KIAA1217: variants seen among roughly 807,000 people sequenced by gnomAD.
KIAA1217 encodes the protein sickle tail protein homolog.
KIAA1217 carries 88 observed loss-of-function variants against 163.9 expected under a neutral mutation model. The ratio of observed to expected loss-of-function variants is 0.54; its 90% CI spans 0.45 to 0.64. The LOEUF (loss-of-function observed/expected upper bound fraction) is 0.64, where lower values mean the gene tolerates loss of function less well. Ranked by LOEUF, KIAA1217 falls within the 30% of genes least tolerant of loss-of-function variation. The pLI is 0.00. For synonymous variants in KIAA1217, 903 were observed against 923.1 expected, an observed-to-expected ratio of 0.98 and a Z score of 0.39; for missense variants, 2,372 against 2,475.0, an observed-to-expected ratio of 0.96 and a Z score of 0.88.
chr10:23,703,795 C>T (rs1165323564), intron 1 of KIAA1217, among the ~76,000 whole-genome samples: 2 of 151,962 alleles, frequency 1.3e-5, no homozygotes, highest in Non-Finnish European at 2.9e-5. Context: ...GGTCAGCAAA[C>T]TTGTTGTATA....
At chr10:24,107,197 G>T (rs2062666542) in intron 2 of KIAA1217, among the ~76,000 whole-genome samples, 1 of 152,160 alleles carries the variant, frequency 6.6e-6, no homozygotes, top group Admixed American at 6.6e-5. Flanking sequence ...CATCCATGTT[G>T]CTGCAAAGGA....
At chr10:24,441,877 G>A (rs918333049) in intron 5 of KIAA1217, among the ~76,000 whole-genome samples, 3 of 152,198 alleles carry the variant, frequency 2.0e-5, no homozygotes, top group Middle Eastern at 3.4e-3. Context: ...AAAAGTACAC[G>A]TTTTTCCATA....
intron 2 of KIAA1217, among the ~76,000 whole-genome samples, chr10:24,203,700 G>A (rs1055361983): frequency 4.6e-5 from 7 of 152,174 alleles, no homozygotes; most frequent in African/African-American, 7.2e-5. Flanking sequence ...GGTAAAGCAA[G>A]GTAGCAACCC....
chr10:23,787,962 A>T (rs910510522), intron 1 of KIAA1217, among the ~76,000 whole-genome samples: 1 of 152,050 alleles, frequency 6.6e-6, no homozygotes, highest in African/African-American at 2.4e-5. Flanking sequence ...TGAGATGTTC[A>T]AGTGGGAGGA....
chr10:24,312,079 G>A (rs1200143132), intron 2 of KIAA1217, among the ~76,000 whole-genome samples: 1 of 152,154 alleles, frequency 6.6e-6, no homozygotes, highest in African/African-American at 2.4e-5. Flanking sequence ...TGTCATCACA[G>A]TTTATTTGTA....
intron 2 of KIAA1217, among the ~76,000 whole-genome samples, chr10:24,102,015 T>G (rs975267263): frequency 6.6e-6 from 1 of 152,174 alleles, no homozygotes; most frequent in Non-Finnish European, 1.5e-5. Flanking sequence ...AAACTGTACA[T>G]TTTTAGAGGC....
At chr10:23,842,043 T>C (rs1838812573) in intron 1 of KIAA1217, among the ~76,000 whole-genome samples, 1 of 151,912 alleles carries the variant, frequency 6.6e-6, no homozygotes, top group Non-Finnish European at 1.5e-5. Context: ...AACTTTTGTA[T>C]TTTTAGTAGA....
intron 2 of KIAA1217, among the ~76,000 whole-genome samples, chr10:24,245,259 G>A (rs892895691): frequency 6.6e-5 from 10 of 152,140 alleles, no homozygotes; most frequent in South Asian, 4.1e-4. Flanking sequence ...TTTAGTAAAC[G>A]CACATGATCA....
chr10:24,345,690 T>A (rs895551675), intron 2 of KIAA1217, among the ~76,000 whole-genome samples: 2 of 152,232 alleles, frequency 1.3e-5, no homozygotes, highest in African/African-American at 4.8e-5. Context: ...TATAGTTAGA[T>A]ACTTTGTAGA....
intron 2 of KIAA1217, among the ~76,000 whole-genome samples, chr10:24,112,345 G>T (rs899937470): frequency 1.3e-5 from 2 of 152,114 alleles, no homozygotes; most frequent in African/African-American, 4.8e-5. Flanking sequence ...GGAACAGATG[G>T]TCATGAGGCC....
intron 6 of KIAA1217, among the ~76,000 whole-genome samples, chr10:24,475,718 T>G (rs1299627159): frequency 6.6e-6 from 1 of 152,170 alleles, no homozygotes; most frequent in African/African-American, 2.4e-5. Flanking sequence ...TGCAGACAGC[T>G]AAGGGGTATA....
At chr10:24,513,046 G>A (rs956691590) in intron 9 of KIAA1217, among the ~76,000 whole-genome samples, 1 of 152,234 alleles carries the variant, frequency 6.6e-6, no homozygotes, top group Non-Finnish European at 1.5e-5. Flanking sequence ...TGTCTTGCAG[G>A]CAGTCTGGTT....
At chr10:24,343,106 C>G (rs1016086316) in intron 2 of KIAA1217, among the ~76,000 whole-genome samples, 6 of 152,148 alleles carry the variant, frequency 3.9e-5, no homozygotes, top group African/African-American at 1.2e-4. Context: ...CAATTTCTTA[C>G]GAAGGCAAAG....
intron 2 of KIAA1217, among the ~76,000 whole-genome samples, chr10:24,296,736 T>C (rs2040661846): frequency 6.6e-6 from 1 of 152,234 alleles, no homozygotes; most frequent in African/African-American, 2.4e-5. Context: ...TTTTCTTTCT[T>C]TCATTTTTTG....
Position 24,473,459 on chromosome 10 carries a change from A to G in KIAA1217, c.1078A>G (p.Ile360Val). ...RISSLPVSRP[I>V]SPSPSAILER... ...CTCCAGCCTGCCAGTCTCCAGACCC[A>G]TCTCTCCAAGCCCAAGCGCCATTTT... Residue 360 changes from isoleucine (I) to valine (V), a missense_variant, in exon 6 of 21, where the codon ATC (isoleucine) becomes GTC (valine). Coordinates refer to ENST00000376454, the MANE Select transcript of KIAA1217 (RefSeq NM_019590.5). 1.2e-6 allele frequency: 2 copies of G among 1,614,146 alleles called. No individual in the cohort carries two copies. The highest frequency in any genetic ancestry group is 2.2e-5 in the South Asian group (2 of 91,078).
chr10:23,737,379 G>A (rs2130802069), intron 1 of KIAA1217, among the ~76,000 whole-genome samples: 1 of 126,420 alleles, frequency 7.9e-6, no homozygotes, highest in Non-Finnish European at 1.7e-5. Context: ...TTTTTTAGTA[G>A]AGACGGGGTT....
At chr10:24,413,212 C>T (rs945471225) in intron 3 of KIAA1217, among the ~76,000 whole-genome samples, 4 of 152,080 alleles carry the variant, frequency 2.6e-5, no homozygotes, top group Non-Finnish European at 5.9e-5. Flanking sequence ...TTGAGATGGA[C>T]TCTCGCTCTG....
At chr10:24,112,564 G>A (rs1423919437) in intron 2 of KIAA1217, among the ~76,000 whole-genome samples, 1 of 151,960 alleles carries the variant, frequency 6.6e-6, no homozygotes, top group Non-Finnish European at 1.5e-5. Flanking sequence ...TAACTCCAAT[G>A]ACTAGTGCTC....
intron 5 of KIAA1217, 66 bp downstream of exon 5, chr10:24,438,545 C>A: frequency 1.9e-6 from 2 of 1,049,046 alleles, no homozygotes; most frequent in Non-Finnish European, 3.0e-6. Flanking sequence ...CTTGCTTGTA[C>A]TCCTGATGTA....
Sources: gnomAD v4.1 joint callset for allele counts (sites outside exome capture counted in the v4.1 genomes callset) on GRCh38, gnomAD v4.1.1 for gene constraint, MANE v1.5 for transcripts, NCBI Gene and HGNC (gene_info 2026-07-23, HGNC 2026-07-21) for gene names.